MYSM1: variants seen among roughly 807,000 people sequenced by gnomAD.
MYSM1 encodes the protein Myb like, SWIRM and MPN domains 1, also known as deubiquitinase MYSM1.
A neutral mutation model predicts 116.0 loss-of-function variants in MYSM1; 51 were observed. The ratio of observed to expected loss-of-function variants is 0.44; its 90% CI spans 0.35 to 0.56. MYSM1 has a LOEUF of 0.56. MYSM1 is among the 20% of genes least tolerant of loss of function. MYSM1 has a pLI of 0.00. For missense variants in MYSM1, 900 were observed against 974.9 expected, an observed-to-expected ratio of 0.92 and a Z score of 1.02; for synonymous variants, 313 against 315.2, an observed-to-expected ratio of 0.99 and a Z score of 0.07.
intron 8 of MYSM1, 122 bp downstream of exon 8, chr1:58,681,663 A>G: frequency 3.1e-6 from 3 of 962,752 alleles, no homozygotes; most frequent in Non-Finnish European, 4.4e-6. Context: ...GAAATCTTAA[A>G]TCTTCCCTAC....
In MYSM1 at chr1:58,689,941, A is replaced by G. The variant is rs7525967; in HGVS notation, c.320+285T>C. On this transcript the variant is annotated intron_variant, in intron 5 of 19. Coordinates refer to ENST00000472487, the MANE Select transcript of MYSM1 (RefSeq NM_001085487.3). ...AAAGAAATCAAGTCAATTCCAATAT[A>G]TCACATAACAGCTTCTCAAAATTTC... 2.4e-3 allele frequency among the ~76,000 whole-genome samples: 366 copies of G among 152,340 alleles called. 1 individual carries two copies. The highest frequency in any genetic ancestry group is 8.5e-3 in the African/African-American group (354 of 41,576).
At chr1:58,668,407 GTAAACA>G in intron 14 of MYSM1, 3 of 1,284,258 alleles carry the variant, frequency 2.3e-6, no homozygotes, top group Non-Finnish European at 3.0e-6. Flanking sequence ...GTTAATGATG[GTAAACA>G]GTCTGCAAAA....
chr1:58,686,263 C>T (rs2100661672), intron 6 of MYSM1, among the ~76,000 whole-genome samples: 1 of 151,940 alleles, frequency 6.6e-6, no homozygotes. Context: ...TTCTCAAGCA[C>T]AGAAAGGAAC....
chr1:58,698,010 A>G (rs548984519), intron 1 of MYSM1, among the ~76,000 whole-genome samples: 7 of 148,392 alleles, frequency 4.7e-5, no homozygotes, highest in African/African-American at 1.7e-4. Context: ...CTGTAACTAC[A>G]TACTTCAGAG....
At chr1:58,678,566 CAACA>C (rs373530382) in intron 8 of MYSM1, among the ~76,000 whole-genome samples, 11 of 152,190 alleles carry the variant, frequency 7.2e-5, no homozygotes, top group African/African-American at 2.6e-4. Context: ...CTAGATTCAA[CAACA>C]AACAAAACAG....
chr1:58,698,316 G>A (rs1196092082), intron 1 of MYSM1, among the ~76,000 whole-genome samples: 1 of 149,974 alleles, frequency 6.7e-6, no homozygotes, highest in Non-Finnish European at 1.5e-5. Context: ...TAGCCAGGAT[G>A]GTCTCGATCT....
At chr1:58,698,098 A>ATTTTTTTTTTTTTTTT (rs1386142383) in intron 1 of MYSM1, among the ~76,000 whole-genome samples, 8 of 30,234 alleles carry the variant, frequency 2.6e-4, no homozygotes, top group African/African-American at 7.8e-4. Flanking sequence ...ATATATATAT[A>ATTTTTTTTTTTTTTTT]TATATTTTTT....
intron 4 of MYSM1, 28 bp from the exon 5 acceptor site, chr1:58,690,277 G>T: frequency 1.9e-6 from 3 of 1,573,938 alleles, no homozygotes; most frequent in Non-Finnish European, 2.6e-6. Flanking sequence ...AGAAAATAAG[G>T]AAGCGTGTGA....
At chr1:58,683,819 C>G (rs1644784075) in intron 7 of MYSM1, among the ~76,000 whole-genome samples, 2 of 151,896 alleles carry the variant, frequency 1.3e-5, no homozygotes, top group African/African-American at 2.4e-5. Context: ...CTTTTAACAT[C>G]CCTGCTATTT....
intron 2 of MYSM1, 75 bp downstream of exon 2, chr1:58,695,054 A>C (rs1436289726): frequency 6.6e-6 from 2 of 301,198 alleles, no homozygotes; most frequent in African/African-American, 6.5e-5. Context: ...ACTAAGTTTA[A>C]AAAAAAAAAA....
intron 1 of MYSM1, among the ~76,000 whole-genome samples, chr1:58,698,225 C>G (rs1184850301): frequency 1.3e-5 from 2 of 149,166 alleles, no homozygotes; most frequent in African/African-American, 5.0e-5. Context: ...CTCAGCCTCC[C>G]AAGTACCTGG....
intron 1 of MYSM1, 57 bp downstream of exon 1, chr1:58,699,928 C>G: frequency 6.2e-7 from 1 of 1,609,608 alleles, no homozygotes; most frequent in Non-Finnish European, 8.5e-7. Context: ...TCCCAGGGCC[C>G]GCTCCTTCAA....
Position 58,667,204 on chromosome 1 carries a change from T to C in MYSM1, c.1865A>G (p.Asn622Ser), listed in dbSNP as rs1420572719. 1 of 1,598,872 alleles carries C rather than the reference T, an allele frequency of 6.3e-7. No individual in the cohort carries two copies. ...ACACTGTAGTCCTGTACTCAGACTG[T>C]TACATGGTTCTGCTGCACAGACCTA... is the stretch of plus-strand genomic sequence containing the variant. ...VVEVCAAEPC[N>S]SLSTGLQCEM... Residue 622 changes from asparagine to serine, a missense_variant, in exon 16 of 20, where the codon AAC becomes AGC. By Grantham distance (46) the Asn-to-Ser change is conservative. Coordinates refer to ENST00000472487, the MANE Select transcript of MYSM1 (RefSeq NM_001085487.3).
intron 8 of MYSM1, among the ~76,000 whole-genome samples, chr1:58,677,954 G>T (rs1249994098): frequency 6.6e-6 from 1 of 152,030 alleles, no homozygotes; most frequent in African/African-American, 2.4e-5. Context: ...TATAACATGG[G>T]TATTTCTCAT....
At chr1:58,677,087 G>T in intron 8 of MYSM1, 31 bp from the exon 9 acceptor site, 2 of 1,541,482 alleles carry the variant, frequency 1.3e-6, no homozygotes, top group South Asian at 2.4e-5. Flanking sequence ...CAATTATTTT[G>T]GATAAATAAA....
rs760211582 is a variant in MYSM1 at position 58,660,053 on chromosome 1, T to C, written c.2431A>G (p.Ser811Gly). ...TCGGTTACTCCATTCTCTTGGTTGC[T>C]TTTATAATTGGAAAGGAACAAATTT... Reference protein sequence around the residue: ...IENLFLSNYKSNQENGVTEEN... With the variant: ...IENLFLSNYKGNQENGVTEEN... The change falls in exon 20 of 20, where the codon AGC becomes GGC. Residue 811 changes from serine (S) to glycine (G), a missense_variant. Physicochemically the swap from Ser to Gly is moderately conservative, Grantham distance 56 (BLOSUM62 0). Transcript: ENST00000472487. The C allele has an allele frequency of 3.7e-6, 6 of 1,609,712 alleles. No homozygotes were observed. The African/African-American group carries it at 8.0e-5, about 22-fold the overall frequency.
At chr1:58,684,303 C>T (rs898762028) in intron 7 of MYSM1, among the ~76,000 whole-genome samples, 32 of 151,980 alleles carry the variant, frequency 2.1e-4, no homozygotes, top group Non-Finnish European at 3.5e-4. Context: ...CGGTGGCTCA[C>T]GCCTGTAATC....
intron 6 of MYSM1, among the ~76,000 whole-genome samples, chr1:58,687,161 A>G (rs1033669193): frequency 7.2e-5 from 11 of 152,224 alleles, no homozygotes; most frequent in African/African-American, 2.7e-4. Flanking sequence ...TTTAAAAAAA[A>G]GCTGAAAATA....
chr1:58,669,536 T>G (rs1450634047), intron 12 of MYSM1, among the ~76,000 whole-genome samples: 1 of 151,738 alleles, frequency 6.6e-6, no homozygotes, highest in Non-Finnish European at 1.5e-5. Context: ...ACTCTTCAAG[T>G]GAAAAAGTGG....
Sources: allele counts gnomAD v4.1 joint callset (sites outside exome capture counted in the v4.1 genomes callset), GRCh38; gene constraint gnomAD v4.1.1; transcripts MANE v1.5; gene names NCBI Gene and HGNC (gene_info 2026-07-23, HGNC 2026-07-21).